Variants in MYO5B observed in about 807,000 individuals in gnomAD.
MYO5B encodes the protein myosin VB, also known as unconventional myosin-Vb.
MYO5B carries 143 observed loss-of-function variants against 229.3 expected under a neutral mutation model. The ratio of observed to expected loss-of-function variants is 0.62; its 90% confidence interval spans 0.54 to 0.72. The LOEUF is 0.72. Ranked by LOEUF, MYO5B falls within the 30% of genes least tolerant of loss-of-function variation. The probability of loss-of-function intolerance (pLI) is 0.00; values close to 1 mark genes in which losing one functional copy is unlikely to be tolerated. For synonymous variants in MYO5B, 918 were observed against 885.2 expected, an observed-to-expected ratio of 1.04 and a Z score of -0.66; for missense variants, 2,321 against 2,331.0, an observed-to-expected ratio of 1.00 and a Z score of 0.09.
At chr18:49,867,716 G>A (rs2024412751) in intron 27 of MYO5B, among the ~76,000 whole-genome samples, 1 of 152,020 alleles carries the variant, frequency 6.6e-6, no homozygotes, top group East Asian at 1.9e-4. Context: ...TTGAATAAGG[G>A]TTCATTGAAA....
intron 1 of MYO5B, among the ~76,000 whole-genome samples, chr18:50,157,085 G>C (rs924184230): frequency 1.5e-5 from 2 of 134,856 alleles, no homozygotes; most frequent in African/African-American, 2.8e-5. Flanking sequence ...TATCCTTTTT[G>C]TTTTGTTTTT....
intron 23 of MYO5B, among the ~76,000 whole-genome samples, chr18:49,879,752 C>T (rs949114971): frequency 3.3e-5 from 5 of 152,120 alleles, no homozygotes; most frequent in African/African-American, 9.7e-5. Context: ...GTGGACTCTC[C>T]CTGCTCCTCC....
At chr18:50,159,842 C>T (rs376312260) in intron 1 of MYO5B, among the ~76,000 whole-genome samples, 10 of 152,318 alleles carry the variant, frequency 6.6e-5, no homozygotes, top group East Asian at 5.8e-4. Context: ...CTGCACATTC[C>T]GTGTGGCACT....
intron 1 of MYO5B, among the ~76,000 whole-genome samples, chr18:50,180,686 C>T (rs1404917425): frequency 6.6e-6 from 1 of 152,168 alleles, no homozygotes; most frequent in Non-Finnish European, 1.5e-5. Flanking sequence ...AATTCTGTGT[C>T]CATTAAAAAC....
chr18:49,877,946 T>C (rs545984381), intron 24 of MYO5B, 64 bp from the exon 25 acceptor site: 8 of 1,599,188 alleles, frequency 5.0e-6, no homozygotes, highest in South Asian at 2.2e-5. Context: ...TTACCTCCCA[T>C]GGTGGCAGGC....
intron 14 of MYO5B, among the ~76,000 whole-genome samples, chr18:49,948,196 T>C (rs142128917): frequency 6.6e-5 from 10 of 152,304 alleles, no homozygotes; most frequent in African/African-American, 2.4e-4. Flanking sequence ...TAAGACATAG[T>C]ATAAGAACAG....
intron 34 of MYO5B, among the ~76,000 whole-genome samples, chr18:49,842,756 C>T (rs1255128229): frequency 6.6e-6 from 1 of 152,198 alleles, no homozygotes; most frequent in Non-Finnish European, 1.5e-5. Flanking sequence ...CCTGTCCTGG[C>T]CCAGGTTGCC....
chr18:50,054,361 T>A (rs1490365541), intron 2 of MYO5B, among the ~76,000 whole-genome samples: 1 of 152,206 alleles, frequency 6.6e-6, no homozygotes, highest in African/African-American at 2.4e-5. Context: ...AGTGGGTTCC[T>A]TTTCTCTCCT....
chr18:50,143,547 C>T (rs1017740513), intron 1 of MYO5B, among the ~76,000 whole-genome samples: 3 of 152,164 alleles, frequency 2.0e-5, no homozygotes, highest in Non-Finnish European at 4.4e-5. Flanking sequence ...GGGTCTAAGG[C>T]TTCTCAGTGA....
At chr18:49,892,205 C>T (rs1442075269) in intron 22 of MYO5B, among the ~76,000 whole-genome samples, 1 of 152,204 alleles carries the variant, frequency 6.6e-6, no homozygotes, top group Non-Finnish European at 1.5e-5. Context: ...AATGCACAGG[C>T]TAAAAGGGAA....
intron 10 of MYO5B, among the ~76,000 whole-genome samples, chr18:49,973,738 G>A (rs1009320929): frequency 5.3e-5 from 8 of 152,138 alleles, no homozygotes; most frequent in Admixed American, 1.3e-4. Flanking sequence ...ACAGTCTCCC[G>A]ATGGCTAGGC....
At chr18:49,980,052 G>C (rs1257428409) in intron 9 of MYO5B, among the ~76,000 whole-genome samples, 1 of 152,200 alleles carries the variant, frequency 6.6e-6, no homozygotes, top group East Asian at 1.9e-4. Context: ...CACCCAATTA[G>C]ACTATAAGCC....
chr18:49,976,956 G>A (rs561978498), intron 9 of MYO5B, among the ~76,000 whole-genome samples: 58 of 152,274 alleles, frequency 3.8e-4, no homozygotes, highest in South Asian at 1.2e-3. Context: ...TGCTAGGCAC[G>A]GCACTGCAGA....
At chr18:49,890,839 T>G (rs2024704468) in intron 22 of MYO5B, among the ~76,000 whole-genome samples, 1 of 152,218 alleles carries the variant, frequency 6.6e-6, no homozygotes, top group Admixed American at 6.5e-5. Context: ...TTCTTCTAAG[T>G]AAGCATAGTA....
At chr18:50,146,723 TCTTTAG>T (rs1385114303) in intron 1 of MYO5B, among the ~76,000 whole-genome samples, 1 of 152,264 alleles carries the variant, frequency 6.6e-6, no homozygotes, top group Non-Finnish European at 1.5e-5. Flanking sequence ...TTTTGCGATC[TCTTTAG>T]ATGTTCTTCT....
At chr18:49,897,717 A>T (rs1451451756) in intron 21 of MYO5B, among the ~76,000 whole-genome samples, 1 of 152,266 alleles carries the variant, frequency 6.6e-6, no homozygotes, top group Non-Finnish European at 1.5e-5. Context: ...AAAATATTAC[A>T]GTACTCCAAG....
intron 33 of MYO5B, among the ~76,000 whole-genome samples, 197 bp from the exon 34 acceptor site, chr18:49,843,589 C>T (rs145293173): frequency 1.1e-4 from 16 of 152,368 alleles, no homozygotes; most frequent in Non-Finnish European, 1.9e-4. Context: ...GTTTCAGACA[C>T]TGTGGTTAAA....
At chr18:49,873,078 C>T (rs1344045585) in intron 26 of MYO5B, among the ~76,000 whole-genome samples, 1 of 152,208 alleles carries the variant, frequency 6.6e-6, no homozygotes, top group Admixed American at 6.5e-5. Context: ...TAGAGATGGC[C>T]CACAACACTC....
At chr18:50,193,390 G>A (rs1362991759) in intron 1 of MYO5B, among the ~76,000 whole-genome samples, 3 of 152,244 alleles carry the variant, frequency 2.0e-5, no homozygotes, top group African/African-American at 7.2e-5. Flanking sequence ...CCAGGTGACA[G>A]CCTCCGCGGC....
Sources: allele counts gnomAD v4.1 joint callset (sites outside exome capture counted in the v4.1 genomes callset), GRCh38; gene constraint gnomAD v4.1.1; transcripts MANE v1.5; gene names NCBI Gene and HGNC (gene_info 2026-07-23, HGNC 2026-07-21).